Variants in SNU13 observed in about 807,000 individuals in gnomAD.
SNU13 encodes the protein NHP2-like protein 1.
SNU13 carries 2 observed loss-of-function variants against 12.4 expected under a neutral mutation model. That is an observed-to-expected ratio of 0.16 (90% CI 0.07 to 0.51). The LOEUF (loss-of-function observed/expected upper bound fraction) is 0.51, where lower values mean the gene tolerates loss of function less well. Ranked by LOEUF, SNU13 falls within the 20% of genes least tolerant of loss-of-function variation. The probability of loss-of-function intolerance (pLI) is 0.96; values close to 1 mark genes in which losing one functional copy is unlikely to be tolerated. For missense variants in SNU13, 66 were observed against 157.8 expected, an observed-to-expected ratio of 0.42 and a Z score of 3.12; for synonymous variants, 68 against 66.5, an observed-to-expected ratio of 1.02 and a Z score of -0.11.
Position 41,682,391 on chromosome 22 carries a change from C to T in SNU13, c.4-2027G>A, listed in dbSNP as rs754223382. 9.9e-6 allele frequency: 16 copies of T among 1,613,982 alleles called. No individual in the cohort carries two copies. The South Asian group carries it at 1.5e-4, about 16-fold the overall frequency. On this transcript the variant is annotated intron_variant, in intron 1 of 2. Coordinates refer to ENST00000401959, the MANE Select transcript of SNU13 (RefSeq NM_001003796.2). Reference sequence around the variant, plus strand: ...GTCTTGGTAGTCTCTTGCCGGACACCGCGAGGATACCACGCGTGTCGGTTT... The same window carrying T: ...GTCTTGGTAGTCTCTTGCCGGACACTGCGAGGATACCACGCGTGTCGGTTT...
upstream of SNU13, chr22:41,688,915 G>T: frequency 6.8e-7 from 1 of 1,462,966 alleles, no homozygotes; most frequent in South Asian, 1.3e-5. Context: ...GCGGCAGGAA[G>T]CGAAGGTGAC....
intron 1 of SNU13, among the ~76,000 whole-genome samples, chr22:41,683,235 A>C (rs114671296): frequency 0.017 from 2,555 of 151,048 alleles, 81 homozygotes; most frequent in African/African-American, 0.058. Flanking sequence ...GCTGACCTCA[A>C]GTGATCCGCT....
intron 1 of SNU13, among the ~76,000 whole-genome samples, chr22:41,681,037 A>C (rs2068259303): frequency 2.0e-5 from 3 of 152,226 alleles, no homozygotes; most frequent in Admixed American, 2.0e-4. Context: ...GAATTTACTG[A>C]ATCAATAAGA....
Position 41,675,110 on chromosome 22 carries a change from C to T in SNU13, c.210G>A (p.Pro70=), listed in dbSNP as rs369426706. The change falls in exon 3 of 3, where the codon CCG becomes CCA. Residue 70 remains proline, a synonymous_variant. Transcript: ENST00000401959. Reference sequence around the variant, plus strand: ...GCACATTCTTGTCTTCACACAGCAGCGGCAGGTGCAGAATGATCTCCAGTG... The same window carrying T: ...GCACATTCTTGTCTTCACACAGCAGTGGCAGGTGCAGAATGATCTCCAGTG... ...AEPLEIILHL[P]LLCEDKNVPY... is the part of the protein sequence containing the mutation. 2.0e-5 allele frequency: 32 copies of T among 1,614,162 alleles called. No homozygotes were observed. Among genetic ancestry groups the T allele is most frequent in the East Asian group, 8.9e-5 (4 of 44,882 alleles).
chr22:41,687,133 A>G (rs1441035269), intron 1 of SNU13, among the ~76,000 whole-genome samples: 5 of 148,840 alleles, frequency 3.4e-5, no homozygotes, highest in Non-Finnish European at 3.0e-5. Flanking sequence ...ATTTTTTTGA[A>G]TTTTTAGTAG....
At chr22:41,678,570 G>C (rs1433097777) in intron 2 of SNU13, among the ~76,000 whole-genome samples, 1 of 152,166 alleles carries the variant, frequency 6.6e-6, no homozygotes, top group Non-Finnish European at 1.5e-5. Context: ...ACCGTGCAAA[G>C]TATGGCAAGA....
upstream of SNU13, chr22:41,689,218 C>T (rs2068340047): frequency 4.1e-6 from 2 of 487,960 alleles, no homozygotes; most frequent in Non-Finnish European, 5.4e-6. Flanking sequence ...CAAAAATTAG[C>T]CAGGCGTGGT....
rs1165970241 is a variant in SNU13 at position 41,674,465 on chromosome 22, A to G, written c.*468T>C. 6.2e-6 allele frequency: 1 copy of G among 161,340 alleles called. No individual in the cohort carries two copies. The highest frequency in any genetic ancestry group is 5.9e-5 in the Admixed American group (1 of 16,908). The allele number at this position is 161,340 out of a possible 1,614,324, so 10.0% of individuals were successfully genotyped here. A position where few individuals can be genotyped will look rare whatever the true frequency, so the allele number is the denominator to read the frequency against. ...ATGCTTCCTCCCCAAATGATACCTA[A>G]TCCCCCAAGAGCAAATGAAACCCCT... On this transcript the variant is annotated 3_prime_UTR_variant, in exon 3 of 3. Transcript: ENST00000401959.
chr22:41,682,554 T>C (rs1240268361), intron 1 of SNU13: 43 of 1,461,186 alleles, frequency 2.9e-5, no homozygotes, highest in Middle Eastern at 2.1e-4. Context: ...CGTAACTCCT[T>C]ATCTTAGGCG....
chr22:41,682,394 G>A (rs994703608), intron 1 of SNU13: 4 of 1,613,806 alleles, frequency 2.5e-6, no homozygotes, highest in African/African-American at 1.3e-5. Context: ...CGGACACCGC[G>A]AGGATACCAC....
chr22:41,678,299 G>A (rs1230832732), intron 2 of SNU13, among the ~76,000 whole-genome samples: 2 of 152,064 alleles, frequency 1.3e-5, no homozygotes, highest in Non-Finnish European at 2.9e-5. Flanking sequence ...TTACCACCAG[G>A]CATAAAACCT....
chr22:41,678,125 G>A (rs1456066500), intron 2 of SNU13, among the ~76,000 whole-genome samples: 2 of 151,962 alleles, frequency 1.3e-5, no homozygotes, highest in Non-Finnish European at 2.9e-5. Flanking sequence ...ATAGGCGCCC[G>A]CCACCACGCC....
chr22:41,674,817 GTAC>G lies in SNU13; in HGVS notation c.*113_*115del, dbSNP rs2068196467. 7.2e-7 allele frequency: 1 copy of G among 1,382,172 alleles called. No homozygotes were observed. The highest frequency in any genetic ancestry group is 1.4e-5 in the African/African-American group (1 of 69,082). The allele number at this position is 1,382,172 out of a possible 1,614,324, so 85.6% of individuals were successfully genotyped here. On this transcript the variant is annotated 3_prime_UTR_variant, in exon 3 of 3. Coordinates refer to ENST00000401959, the MANE Select transcript of SNU13 (RefSeq NM_001003796.2). ...CACAAAAATCCAGAAACCAGATTTAGTACTACATTTTATAACAATAGAGAGTAG... is the reference window on the plus strand; with the variant it reads ...CACAAAAATCCAGAAACCAGATTTAGTACATTTTATAACAATAGAGAGTAG...
At chr22:41,677,642 TC>T (rs2068225425) in intron 2 of SNU13, among the ~76,000 whole-genome samples, 1 of 152,200 alleles carries the variant, frequency 6.6e-6, no homozygotes, top group South Asian at 2.1e-4. Context: ...TAGGAGTGAC[TC>T]TTTTATAAGT....
intron 1 of SNU13, chr22:41,682,302 C>A: frequency 6.4e-7 from 1 of 1,553,542 alleles, no homozygotes. Flanking sequence ...ACGCTCGCGG[C>A]ACCACAGCTC....
intron 2 of SNU13, 51 bp from the exon 3 acceptor site, chr22:41,675,246 C>G: frequency 6.3e-7 from 1 of 1,588,672 alleles, no homozygotes; most frequent in Non-Finnish European, 8.5e-7. Context: ...TTGGGCAGGG[C>G]AGCCACAACA....
intron 1 of SNU13, chr22:41,681,610 C>T (rs2068263826): frequency 1.3e-5 from 2 of 152,252 alleles, no homozygotes; most frequent in South Asian, 2.1e-4. Context: ...ACTTGCAACC[C>T]TTATTAACTA....
intron 1 of SNU13, chr22:41,682,362 G>C: frequency 1.2e-6 from 2 of 1,613,962 alleles, no homozygotes; most frequent in Non-Finnish European, 1.7e-6. Context: ...TCACCATAGC[G>C]TCTGTCTTGG....
intron 1 of SNU13, among the ~76,000 whole-genome samples, chr22:41,686,964 T>G (rs548130586): frequency 1.5e-3 from 222 of 150,966 alleles, no homozygotes; most frequent in African/African-American, 5.3e-3. Flanking sequence ...TTTTATTTAT[T>G]TATTTTTTTG....
Sources: allele counts gnomAD v4.1 joint callset (sites outside exome capture counted in the v4.1 genomes callset), GRCh38; gene constraint gnomAD v4.1.1; transcripts MANE v1.5; gene names NCBI Gene and HGNC (gene_info 2026-07-23, HGNC 2026-07-21).